Variants in DPP10 observed in about 807,000 individuals in gnomAD.
DPP10 encodes the protein inactive dipeptidyl peptidase 10.
Under a neutral mutation model 120.9 loss-of-function variants are expected in DPP10, and 33 were observed. That is an observed-to-expected ratio of 0.27 (90% confidence interval 0.21 to 0.37). DPP10 has a LOEUF of 0.37. Ranked by LOEUF, DPP10 falls within the 10% of genes least tolerant of loss-of-function variation. DPP10 has a pLI of 1.00. For missense variants in DPP10, 816 were observed against 942.8 expected (o/e 0.87, Z 1.76); for synonymous variants, 337 against 326.1 (o/e 1.03, Z -0.36).
intron 1 of DPP10, among the ~76,000 whole-genome samples, chr2:114,542,804 G>T (rs551457463): frequency 6.6e-6 from 1 of 152,182 alleles, no homozygotes; most frequent in African/African-American, 2.4e-5. Context: ...ATTGCACTAT[G>T]CCTCCAAAAC....
intron 1 of DPP10, among the ~76,000 whole-genome samples, chr2:115,278,058 A>G (rs189626197): frequency 2.6e-5 from 4 of 152,290 alleles, no homozygotes; most frequent in Admixed American, 2.0e-4. Flanking sequence ...GGAGACAGAT[A>G]GGCATGGATT....
In DPP10 at chr2:115,587,089, C is replaced by CTTTTT. The variant is rs756810925; in HGVS notation, c.441+61134_441+61138dup. Among the ~76,000 whole-genome samples the CTTTTT allele has an allele frequency of 8.8e-3, 916 of 103,930 alleles. 2 individuals carry two copies. Among genetic ancestry groups the CTTTTT allele is most frequent in the African/African-American group, 0.014 (369 of 26,432 alleles). 68.2% of individuals were successfully genotyped at this position (103,930 alleles called of 152,430 possible). Reference sequence around the variant, plus strand: ...TTTTTCTTTTCTTTTTTTTCTCTTTCTTTTTTTTTTTTTTTTTTTTTCTTT... The same window carrying CTTTTT: ...TTTTTCTTTTCTTTTTTTTCTCTTTCTTTTTTTTTTTTTTTTTTTTTTTTTTCTTT... On this transcript the variant is annotated intron_variant, in intron 5 of 25. Transcript: ENST00000410059.
intron 1 of DPP10, among the ~76,000 whole-genome samples, chr2:115,177,759 TG>T (rs2053793910): frequency 1.1e-5 from 1 of 88,816 alleles, no homozygotes; most frequent in South Asian, 3.0e-4. Context: ...GTTTTGTTTT[TG>T]TTTTTGTTTG....
At chr2:114,599,487 G>T (rs1303932251) in intron 1 of DPP10, among the ~76,000 whole-genome samples, 3 of 151,664 alleles carry the variant, frequency 2.0e-5, no homozygotes, top group Non-Finnish European at 1.5e-5. Context: ...GTACATACTT[G>T]TTTGTTTCTG....
At chr2:114,593,035 CA>C (rs1031498263) in intron 1 of DPP10, among the ~76,000 whole-genome samples, 2 of 152,082 alleles carry the variant, frequency 1.3e-5, no homozygotes, top group African/African-American at 4.8e-5. Flanking sequence ...CAAAACAAAA[CA>C]AAAAAATGCT....
chr2:114,452,038 G>T (rs891554622), intron 1 of DPP10, among the ~76,000 whole-genome samples: 3 of 152,156 alleles, frequency 2.0e-5, no homozygotes, highest in African/African-American at 4.8e-5. Flanking sequence ...TACTAATTTA[G>T]TGGTAGCCTT....
intron 5 of DPP10, among the ~76,000 whole-genome samples, chr2:115,532,239 C>T (rs543984618): frequency 7.2e-5 from 11 of 151,930 alleles, no homozygotes; most frequent in Non-Finnish European, 1.0e-4. Flanking sequence ...CCCAAAGTCC[C>T]GCTTCTTGGC....
intron 1 of DPP10, among the ~76,000 whole-genome samples, chr2:114,635,267 G>T (rs1220531553): frequency 1.3e-5 from 2 of 151,794 alleles, no homozygotes; most frequent in East Asian, 3.9e-4. Flanking sequence ...TAATAGCATG[G>T]TCTAATTAAG....
chr2:114,955,671 A>G (rs973532791), intron 1 of DPP10, among the ~76,000 whole-genome samples: 12 of 152,242 alleles, frequency 7.9e-5, no homozygotes, highest in African/African-American at 2.4e-4. Flanking sequence ...AATAACCCTG[A>G]TAAACATAGG....
At position 115,791,108 on chromosome 2, in the gene DPP10, T is replaced by C; in HGVS notation, c.1559T>C (p.Met520Thr). The C allele has an allele frequency of 6.2e-7, 1 of 1,613,452 alleles. No homozygotes were observed. Among genetic ancestry groups the C allele is most frequent in the Non-Finnish European group, 8.5e-7 (1 of 1,179,712 alleles). ...TATTTTATATTGGAAAGCAATTCTA[T>C]GCTGAAGGAAGCTATCCTGAAGAAG... ...AKYFILESNS[M>T]LKEAILKKKI... The change falls in exon 18 of 26, where the codon ATG becomes ACG. Residue 520 changes from methionine (M) to threonine (T), a missense_variant. Met to Thr is a moderately conservative substitution (Grantham distance 81). Around this residue, in one of 3 missense-constraint regions of DPP10, gnomAD observed 592 missense variants for 649.0 expected, o/e 0.91. Coordinates refer to ENST00000410059, the MANE Select transcript of DPP10 (RefSeq NM_020868.6).
rs145582765 is a variant in DPP10, at chr2:115,236,903, A to T, written c.61-72336A>T. On this transcript the variant is annotated intron_variant, in intron 1 of 25. Transcript: ENST00000410059. The stretch of plus-strand genomic sequence containing the variant: ...CACAGTGAGTTAAGAATTTTCGGGA[A>T]TGGGGCATTACATTTACGGCCTAGG... Among the ~76,000 whole-genome samples, 725 of 152,280 alleles carry T rather than the reference A, an allele frequency of 4.8e-3. 5 individuals carry two copies. The highest frequency in any genetic ancestry group is 0.016 in the African/African-American group (662 of 41,534).
intron 1 of DPP10, among the ~76,000 whole-genome samples, chr2:115,051,127 A>G (rs1705448085): frequency 6.6e-6 from 1 of 152,234 alleles, no homozygotes. Context: ...GGTATATTCC[A>G]TGCACAGGAA....
intron 5 of DPP10, among the ~76,000 whole-genome samples, chr2:115,682,193 A>G (rs2090708747): frequency 6.6e-6 from 1 of 152,000 alleles, no homozygotes; most frequent in Non-Finnish European, 1.5e-5. Flanking sequence ...TACTACTTTC[A>G]GTAATTGATT....
At position 114,923,464 on chromosome 2, in the gene DPP10, CT is replaced by C. The variant is rs1292081742; in HGVS notation, c.61-385769del. 2.3e-5 allele frequency among the ~76,000 whole-genome samples: 3 copies of C among 131,908 alleles called. No homozygotes were observed. In the East Asian group the frequency reaches 6.8e-4, roughly 30 times the overall value. 86.5% of individuals were successfully genotyped at this position (131,908 alleles called of 152,430 possible). Reference sequence around the variant, plus strand: ...ACAGGCGTGAGCCACCACGCTTGGCCTTTTTTCCTTTTTTTTTTTTTTTTTT... The same window carrying C: ...ACAGGCGTGAGCCACCACGCTTGGCCTTTTTCCTTTTTTTTTTTTTTTTTT... On this transcript the variant is annotated intron_variant, in intron 1 of 25. Coordinates refer to ENST00000410059, the MANE Select transcript of DPP10 (RefSeq NM_020868.6).
chr2:115,842,765 T>G lies in DPP10; in HGVS notation c.*420T>G, dbSNP rs1478840459. The G allele has an allele frequency of 6.5e-6, 1 of 154,252 alleles. No homozygotes were observed. Among genetic ancestry groups the G allele is most frequent in the Non-Finnish European group, 1.4e-5 (1 of 69,160 alleles). 9.6% of individuals were successfully genotyped at this position (154,252 alleles called of 1,614,324 possible). ...TCATGGCTGAGCTGCAATCTAACAC[T>G]TTACTGTACCTTTATAATAAGTGCA... On this transcript the variant is annotated 3_prime_UTR_variant, in exon 26 of 26. Coordinates refer to ENST00000410059, the MANE Select transcript of DPP10 (RefSeq NM_020868.6).
intron 3 of DPP10, among the ~76,000 whole-genome samples, chr2:115,387,704 A>C (rs1369658852): frequency 6.6e-6 from 1 of 152,196 alleles, no homozygotes; most frequent in Non-Finnish European, 1.5e-5. Context: ...CATTAGATTT[A>C]GGAGTCATAG....
At chr2:115,634,631 C>A (rs1235488156) in intron 5 of DPP10, among the ~76,000 whole-genome samples, 1 of 152,116 alleles carries the variant, frequency 6.6e-6, no homozygotes, top group Non-Finnish European at 1.5e-5. Context: ...CTGATGCCAA[C>A]AGAAATGCTA....
chr2:115,823,608 T>C (rs549694537), intron 21 of DPP10, among the ~76,000 whole-genome samples: 2 of 152,334 alleles, frequency 1.3e-5, no homozygotes, highest in East Asian at 3.9e-4. Context: ...TGTATTTGGC[T>C]TTTGTGGATT....
chr2:115,193,562 T>G (rs527654433), intron 1 of DPP10, among the ~76,000 whole-genome samples: 69 of 152,310 alleles, frequency 4.5e-4, no homozygotes, highest in African/African-American at 1.6e-3. Flanking sequence ...CGTGGGTGAT[T>G]AATTCCTTGT....
Sources: gnomAD v4.1 joint callset for allele counts (sites outside exome capture counted in the v4.1 genomes callset) on GRCh38, gnomAD v4.1.1 for gene constraint, gnomAD v4.1.1 regional missense constraint, MANE v1.5 for transcripts, NCBI Gene and HGNC (gene_info 2026-07-23, HGNC 2026-07-21) for gene names.